The following AGBL4 variants were observed in gnomAD, a reference collection of about 807,000 sequenced individuals.
AGBL4 encodes AGBL carboxypeptidase 4.
In AGBL4, 58 loss-of-function variants were observed where a neutral mutation model predicts 66.4. The observed-to-expected ratio is 0.87, with a 90% CI of 0.71 to 1.09. The LOEUF (loss-of-function observed/expected upper bound fraction) is 1.09, where lower values mean the gene tolerates loss of function less well. Ranked by LOEUF, AGBL4 falls within the 50% of genes least tolerant of loss-of-function variation. The pLI, the probability that AGBL4 is intolerant of heterozygous loss-of-function variation, is 0.00. For missense variants in AGBL4, 579 were observed against 631.0 expected (o/e 0.92, Z 0.88); for synonymous variants, 234 against 222.9 (o/e 1.05, Z -0.44).
chr1:49,393,060 A>G (rs1342191290), intron 3 of AGBL4, among the ~76,000 whole-genome samples: 6 of 152,188 alleles, frequency 3.9e-5, no homozygotes, highest in Non-Finnish European at 7.3e-5. Flanking sequence ...TGGGAAACAA[A>G]GAAAATAATA....
At chr1:49,841,887 C>T in intron 2 of AGBL4, 1 of 621,896 alleles carries the variant, frequency 1.6e-6, no homozygotes, top group Non-Finnish European at 2.9e-6. Context: ...GAAGCCAGGG[C>T]ATGACCCCTG....
At chr1:48,605,525 C>T (rs1185502212) in intron 9 of AGBL4, among the ~76,000 whole-genome samples, 1 of 152,220 alleles carries the variant, frequency 6.6e-6, no homozygotes, top group African/African-American at 2.4e-5. Flanking sequence ...TTCTTCACGT[C>T]TATTGTCACT....
chr1:48,744,668 C>G (rs1009526216), intron 6 of AGBL4, among the ~76,000 whole-genome samples: 2 of 152,256 alleles, frequency 1.3e-5, no homozygotes, highest in South Asian at 4.1e-4. Flanking sequence ...CTCTCCCATC[C>G]ATCTCTATAA....
intron 2 of AGBL4, among the ~76,000 whole-genome samples, chr1:49,823,778 A>ATGTGTGTGTG (rs10528873): frequency 0.26 from 38,696 of 147,328 alleles, 5,284 homozygotes; most frequent in East Asian, 0.4. Context: ...AGGCTGCATA[A>ATGTGTGTGTG]TGTGTGTGTG....
Position 50,023,785 on chromosome 1 carries a change from C to G in AGBL4, c.12G>C (p.Gly4=). Residue 4 remains glycine, a synonymous_variant, in exon 1 of 14, where the codon GGG becomes GGC. Transcript: ENST00000371839. MAE[G]SQSAPEAGND... ...GACCTGCCTCAGGCGCCGACTGGCT[C>G]CCCTCCGCCATTTTTGTTGTCCCTC... The G allele has an allele frequency of 1.3e-6, 2 of 1,549,504 alleles. No homozygotes were observed. The highest frequency in any genetic ancestry group is 1.7e-6 in the Non-Finnish European group (2 of 1,146,082).
At chr1:48,951,019 T>C (rs1308705296) in intron 5 of AGBL4, among the ~76,000 whole-genome samples, 1 of 152,216 alleles carries the variant, frequency 6.6e-6, no homozygotes, top group Admixed American at 6.5e-5. Context: ...CATATAAGAT[T>C]TAGAGACAAC....
intron 2 of AGBL4, chr1:49,845,961 T>C (rs1340446346): frequency 6.4e-7 from 1 of 1,557,258 alleles, no homozygotes; most frequent in Non-Finnish European, 8.8e-7. Flanking sequence ...AGCTTGTCCC[T>C]CACCAAACAT....
At chr1:48,903,193 AC>A (rs1461044813) in intron 5 of AGBL4, among the ~76,000 whole-genome samples, 1 of 152,076 alleles carries the variant, frequency 6.6e-6, no homozygotes, top group Non-Finnish European at 1.5e-5. Flanking sequence ...CTGTTCTTGG[AC>A]CTTTTTCTCT....
intron 6 of AGBL4, among the ~76,000 whole-genome samples, chr1:48,685,380 C>A (rs894337580): frequency 6.6e-6 from 1 of 152,140 alleles, no homozygotes; most frequent in African/African-American, 2.4e-5. Flanking sequence ...TCTCACTTGT[C>A]CCTTCTTAGG....
At chr1:49,715,043 T>C (rs1647987939) in intron 2 of AGBL4, among the ~76,000 whole-genome samples, 1 of 152,128 alleles carries the variant, frequency 6.6e-6, no homozygotes, top group South Asian at 2.1e-4. Flanking sequence ...GGTATACACA[T>C]GCCATAGTGG....
At chr1:49,131,089 ATTG>A (rs1445626303) in intron 4 of AGBL4, among the ~76,000 whole-genome samples, 1 of 152,132 alleles carries the variant, frequency 6.6e-6, no homozygotes, top group East Asian at 1.9e-4. Context: ...TCAATAAATT[ATTG>A]TTATCTACAA....
chr1:49,736,097 T>TA lies in AGBL4; in HGVS notation c.158-38661dup, dbSNP rs147292471. ...CTGGCAATCTCAGAAGGAGAGGAAA[T>TA]AAAGAAAAAAGGGAAAAGAATATTT... On this transcript the variant is annotated intron_variant, in intron 2 of 13. Coordinates refer to ENST00000371839, the MANE Select transcript of AGBL4 (RefSeq NM_032785.4). Among the ~76,000 whole-genome samples the TA allele has an allele frequency of 4.4e-3, 664 of 151,130 alleles. 9 individuals are homozygous for TA. Among genetic ancestry groups the TA allele is most frequent in the African/African-American group, 0.015 (622 of 41,230 alleles).
chr1:48,946,322 A>G (rs1431729735), intron 5 of AGBL4, among the ~76,000 whole-genome samples: 1 of 152,242 alleles, frequency 6.6e-6, no homozygotes, highest in Non-Finnish European at 1.5e-5. Flanking sequence ...CATTTGCTGA[A>G]TGAATGGACA....
At chr1:48,905,392 CA>C (rs546930339) in intron 5 of AGBL4, among the ~76,000 whole-genome samples, 87 of 152,000 alleles carry the variant, frequency 5.7e-4, no homozygotes, top group Non-Finnish European at 1.1e-3. Context: ...AAAACATAGT[CA>C]AAAAAGTAAT....
intron 5 of AGBL4, among the ~76,000 whole-genome samples, chr1:49,015,450 T>A (rs981451164): frequency 1.4e-5 from 2 of 145,380 alleles, no homozygotes; most frequent in Admixed American, 7.0e-5. Flanking sequence ...TGAGATGGAG[T>A]CTCGCTGTGT....
intron 3 of AGBL4, among the ~76,000 whole-genome samples, chr1:49,473,592 C>T (rs1646789956): frequency 6.6e-6 from 1 of 151,946 alleles, no homozygotes. Context: ...TGTCTGTTTG[C>T]TCTCTTGATA....
At chr1:49,419,584 G>A (rs996136891) in intron 3 of AGBL4, among the ~76,000 whole-genome samples, 18 of 152,180 alleles carry the variant, frequency 1.2e-4, no homozygotes, top group African/African-American at 4.3e-4. Flanking sequence ...TTCAACAAAT[G>A]AAATCTCAAG....
chr1:48,860,459 G>A (rs765525466), intron 6 of AGBL4, among the ~76,000 whole-genome samples: 4 of 152,308 alleles, frequency 2.6e-5, no homozygotes, highest in African/African-American at 4.8e-5. Context: ...GCAGTTGGAC[G>A]TCTGCCTCCT....
chr1:48,862,588 TG>T (rs1167137788), intron 6 of AGBL4, among the ~76,000 whole-genome samples: 1 of 152,198 alleles, frequency 6.6e-6, no homozygotes, highest in Admixed American at 6.5e-5. Context: ...CCCAGTGTGC[TG>T]GGATTACAGG....
Sources: allele counts gnomAD v4.1 joint callset (sites outside exome capture counted in the v4.1 genomes callset), GRCh38; gene constraint gnomAD v4.1.1; transcripts MANE v1.5; gene names NCBI Gene and HGNC (gene_info 2026-07-23, HGNC 2026-07-21).